The following MAGI2 variants were observed in gnomAD, a reference collection of about 807,000 sequenced individuals.
MAGI2 encodes membrane-associated guanylate kinase, WW and PDZ domain-containing protein 2.
Under a neutral mutation model 133.3 loss-of-function variants are expected in MAGI2, and 35 were observed. The observed-to-expected ratio is 0.26, with a 90% CI of 0.20 to 0.35. MAGI2 has a LOEUF of 0.35. Ranked by LOEUF, MAGI2 falls within the 10% of genes least tolerant of loss-of-function variation. MAGI2 has a pLI of 1.00. For missense variants in MAGI2, 1,636 were observed against 1,863.4 expected (o/e 0.88, Z 2.25); for synonymous variants, 729 against 710.6 (o/e 1.03, Z -0.41).
At chr7:79,416,569 G>T (rs894747327) in intron 1 of MAGI2, among the ~76,000 whole-genome samples, 8 of 151,952 alleles carry the variant, frequency 5.3e-5, no homozygotes, top group African/African-American at 9.7e-5. Flanking sequence ...ATGGGGAAAT[G>T]ATATGATGTC....
At chr7:78,735,641 G>A (rs1005429019) in intron 2 of MAGI2, among the ~76,000 whole-genome samples, 1 of 152,138 alleles carries the variant, frequency 6.6e-6, no homozygotes, top group East Asian at 1.9e-4. Context: ...TCACTGATGA[G>A]TGCCTTTGTG....
rs536379801 is a variant in MAGI2, at chr7:78,494,094, A to AGCCT, written c.966-4258_966-4255dup. On this transcript the variant is annotated intron_variant, in intron 5 of 21. Transcript: ENST00000354212. ...TGGGATCAAGTGATTCTCCCGCCTC[A>AGCCT]GCCTCCCAAGTAGCTGGGACTAGAC... Among the ~76,000 whole-genome samples, 198 of 152,122 alleles carry AGCCT rather than the reference A, an allele frequency of 1.3e-3. 1 individual carries two copies. The highest frequency in any genetic ancestry group is 2.4e-3 in the Non-Finnish European group (166 of 67,988).
intron 9 of MAGI2, among the ~76,000 whole-genome samples, chr7:78,299,259 T>C (rs1388956065): frequency 6.6e-6 from 1 of 152,230 alleles, no homozygotes; most frequent in Non-Finnish European, 1.5e-5. Context: ...GAATGAGTCA[T>C]ATTTCAAATT....
intron 7 of MAGI2, chr7:78,358,162 CAAAAAAAAAAAAAAAAAAA>C (rs1185043187): frequency 6.2e-5 from 3 of 48,736 alleles, no homozygotes; most frequent in African/African-American, 1.4e-4. Flanking sequence ...GACTTTGCCT[CAAAAAAAAAAAAAAAAAAA>C]AAAAAAAAAA....
chr7:78,922,642 G>A (rs750210018), intron 2 of MAGI2, among the ~76,000 whole-genome samples: 2 of 152,092 alleles, frequency 1.3e-5, no homozygotes, highest in Admixed American at 6.5e-5. Flanking sequence ...GAATAATGCC[G>A]CAATAAACAT....
At chr7:79,392,845 G>A (rs562848005) in intron 1 of MAGI2, among the ~76,000 whole-genome samples, 2 of 148,958 alleles carry the variant, frequency 1.3e-5, no homozygotes, top group African/African-American at 5.1e-5. Context: ...GCAGGAATGA[G>A]AGCTACCCTG....
chr7:78,265,467 G>T (rs561453343), intron 9 of MAGI2, among the ~76,000 whole-genome samples: 1 of 152,272 alleles, frequency 6.6e-6, no homozygotes, highest in South Asian at 2.1e-4. Context: ...AGAATGTAGT[G>T]AATTTTAAAC....
At chr7:78,636,542 T>A (rs1279749720) in intron 2 of MAGI2, among the ~76,000 whole-genome samples, 3 of 152,086 alleles carry the variant, frequency 2.0e-5, no homozygotes, top group Non-Finnish European at 2.9e-5. Context: ...CTCACGCCTG[T>A]AATCCCAGCA....
chr7:78,972,854 T>C (rs1359803620), intron 2 of MAGI2, among the ~76,000 whole-genome samples: 2 of 151,740 alleles, frequency 1.3e-5, no homozygotes, highest in Admixed American at 6.6e-5. Context: ...AGTAGGGGCA[T>C]ATGCTTATTT....
At chr7:79,028,334 T>TATACACACACACACACACAC (rs1810218344) in intron 1 of MAGI2, among the ~76,000 whole-genome samples, 1 of 31,862 alleles carries the variant, frequency 3.1e-5, no homozygotes. Flanking sequence ...TATACATATA[T>TATACACACACACACACACAC]ATACACACAC....
intron 1 of MAGI2, among the ~76,000 whole-genome samples, chr7:79,420,342 G>T (rs1247370538): frequency 6.6e-6 from 1 of 151,900 alleles, no homozygotes; most frequent in Non-Finnish European, 1.5e-5. Context: ...ATTAAAATCA[G>T]CCTGTTACAA....
intron 2 of MAGI2, among the ~76,000 whole-genome samples, chr7:78,792,385 A>T (rs1787235261): frequency 6.6e-6 from 1 of 152,242 alleles, no homozygotes; most frequent in African/African-American, 2.4e-5. Context: ...ATAATTATTT[A>T]AAGCCGCACT....
intron 4 of MAGI2, among the ~76,000 whole-genome samples, chr7:78,507,290 G>A (rs1363355406): frequency 6.6e-6 from 1 of 152,138 alleles, no homozygotes; most frequent in African/African-American, 2.4e-5. Flanking sequence ...ACGGTTTAAT[G>A]TGAGAATCAA....
intron 9 of MAGI2, among the ~76,000 whole-genome samples, chr7:78,257,343 T>C (rs1323992514): frequency 6.6e-6 from 1 of 152,146 alleles, no homozygotes; most frequent in Non-Finnish European, 1.5e-5. Context: ...ATTAATATGA[T>C]TGTTGTTAAA....
At chr7:79,223,036 T>TA (rs1830573256) in intron 1 of MAGI2, among the ~76,000 whole-genome samples, 1 of 151,932 alleles carries the variant, frequency 6.6e-6, no homozygotes, top group Admixed American at 6.6e-5. Flanking sequence ...AGGCACCCGC[T>TA]ACCGCTCCTG....
At position 79,232,402 on chromosome 7, in the gene MAGI2, G is replaced by A. The variant is rs1012926501; in HGVS notation, c.301+220618C>T. Reference sequence around the variant, plus strand: ...CCTCCTTGTACCTCTGGTAGAATTCGGCTGTGAATCCATCTGGTCCTGGAC... The same window carrying A: ...CCTCCTTGTACCTCTGGTAGAATTCAGCTGTGAATCCATCTGGTCCTGGAC... On this transcript the variant is annotated intron_variant, in intron 1 of 21. Transcript: ENST00000354212. 2.8e-5 allele frequency among the ~76,000 whole-genome samples: 4 copies of A among 141,864 alleles called. No individual in the cohort carries two copies. The Admixed American group carries it at 2.9e-4, about 10-fold the overall frequency. The allele number at this position is 141,864 out of a possible 152,430, so 93.1% of individuals were successfully genotyped here.
intron 2 of MAGI2, among the ~76,000 whole-genome samples, chr7:78,918,557 A>G (rs1050007166): frequency 6.6e-6 from 1 of 152,186 alleles, no homozygotes; most frequent in Non-Finnish European, 1.5e-5. Context: ...ATCCAGCTCT[A>G]GCTTACAGAT....
intron 5 of MAGI2, among the ~76,000 whole-genome samples, chr7:78,492,073 G>A (rs979778865): frequency 6.6e-6 from 1 of 151,936 alleles, no homozygotes; most frequent in Non-Finnish European, 1.5e-5. Context: ...ATTCACAAAA[G>A]CAAACACATC....
intron 6 of MAGI2, among the ~76,000 whole-genome samples, chr7:78,427,829 C>T (rs1428823905): frequency 6.6e-6 from 1 of 152,036 alleles, no homozygotes; most frequent in Non-Finnish European, 1.5e-5. Flanking sequence ...TTTTACACAA[C>T]TTTTGATTAA....
Sources: gnomAD v4.1 joint callset for allele counts (sites outside exome capture counted in the v4.1 genomes callset) on GRCh38, gnomAD v4.1.1 for gene constraint, MANE v1.5 for transcripts, NCBI Gene and HGNC (gene_info 2026-07-23, HGNC 2026-07-21) for gene names.